The following PTPN23 variants were observed in gnomAD, a reference collection of about 807,000 sequenced individuals.
PTPN23 encodes protein tyrosine phosphatase non-receptor type 23.
Under a neutral mutation model 156.3 loss-of-function variants are expected in PTPN23, and 72 were observed. That is an observed-to-expected ratio of 0.46 (90% confidence interval 0.38 to 0.56). The LOEUF (loss-of-function observed/expected upper bound fraction) is 0.56. PTPN23 is among the 20% of genes least tolerant of loss of function. The pLI is 0.00. For missense variants in PTPN23, 1,974 were observed against 2,171.5 expected (o/e 0.91, Z 1.81); for synonymous variants, 957 against 899.6 (o/e 1.06, Z -1.14).
intron 1 of PTPN23, among the ~76,000 whole-genome samples, chr3:47,392,008 C>T (rs1023123868): frequency 9.2e-5 from 14 of 152,190 alleles, no homozygotes; most frequent in African/African-American, 3.4e-4. Flanking sequence ...ACCTCAACCT[C>T]CCAACTGGCC....
chr3:47,406,010 C>T lies in PTPN23; in HGVS notation c.510C>T (p.Ser170=). 2 of 1,613,578 alleles carry T rather than the reference C, an allele frequency of 1.2e-6. No individual in the cohort carries two copies. Among genetic ancestry groups the T allele is most frequent in the South Asian group, 1.1e-5 (1 of 91,008 alleles). ...HFPQAYSVDM[S]RQILTLNVNL... is the part of the protein sequence containing the mutation. Reference sequence around the variant, plus strand: ...CTCAAGCCTACAGCGTCGACATGAGCCGCCAGATCCTTACGCTCAACGTCA... The same window carrying T: ...CTCAAGCCTACAGCGTCGACATGAGTCGCCAGATCCTTACGCTCAACGTCA... Residue 170 remains serine, a synonymous_variant, in exon 6 of 25, where the codon AGC becomes AGT. Coordinates refer to ENST00000265562, the MANE Select transcript of PTPN23 (RefSeq NM_015466.4). The surrounding 1 kb of genome is among the most constrained non-coding windows in gnomAD (Gnocchi z 5.8).
intron 1 of PTPN23, 64 bp from the exon 2 acceptor site, chr3:47,396,079 C>G: frequency 7.3e-7 from 1 of 1,369,626 alleles, no homozygotes; most frequent in Non-Finnish European, 1.0e-6. Flanking sequence ...GGTGCTTGCC[C>G]AGGACTCAGA....
In PTPN23 at chr3:47,409,944, C is replaced by G. The variant is rs753290716; in HGVS notation, c.2146C>G (p.Pro716Ala). Reference protein sequence around the residue: ...QLLDRELKKKPPPRPTAPKPL... With the variant: ...QLLDRELKKKAPPRPTAPKPL... Reference sequence around the variant, plus strand: ...GTCGCACAGGGAGCTGAAGAAGAAGCCGCCGCCACGGCCCACAGCCCCAAA... The same window carrying G: ...GTCGCACAGGGAGCTGAAGAAGAAGGCGCCGCCACGGCCCACAGCCCCAAA... Residue 716 changes from proline (P) to alanine (A), a missense_variant, in exon 20 of 25, where the codon CCG becomes GCG. Around this residue, in one of 4 missense-constraint regions of PTPN23, gnomAD observed 731 missense variants for 669.1 expected, o/e 1.09. Transcript: ENST00000265562. The G allele has an allele frequency of 5.7e-6, 9 of 1,566,794 alleles. No homozygotes were observed. The highest frequency in any genetic ancestry group is 7.8e-6 in the Non-Finnish European group (9 of 1,159,026).
rs774430640 is a variant in PTPN23 at position 47,407,551 on chromosome 3, G to C, written c.970G>C (p.Val324Leu). Residue 324 changes from valine to leucine, a missense_variant, in exon 12 of 25, where the codon GTC becomes CTC. Around this residue, in one of 4 missense-constraint regions of PTPN23, gnomAD observed 726 missense variants for 929.5 expected, o/e 0.78. Coordinates refer to ENST00000265562, the MANE Select transcript of PTPN23 (RefSeq NM_015466.4). This position sits in a 1 kb window ranked among gnomAD's most constrained non-coding sequence, Gnocchi z 4.0. ...CAACGACTTCATTTACCATGAGGCT[G>C]TCCCAGCATTGGACACTCTTCAGCC... ...KDNDFIYHEA[V>L]PALDTLQPVK... is the part of the protein sequence containing the mutation. The C allele has an allele frequency of 6.2e-7, 1 of 1,613,914 alleles. No homozygotes were observed. Among genetic ancestry groups the C allele is most frequent in the Admixed American group, 1.7e-5 (1 of 59,994 alleles).
intron 1 of PTPN23, among the ~76,000 whole-genome samples, chr3:47,385,828 T>C (rs1191995559): frequency 2.0e-5 from 3 of 152,342 alleles, no homozygotes; most frequent in South Asian, 2.1e-4. Context: ...CCACTCTGGC[T>C]GAGTTGATCT....
At position 47,412,439 on chromosome 3, in the gene PTPN23, T is replaced by G; in HGVS notation, c.4317+18T>G. On this transcript the variant is annotated intron_variant, in intron 23 of 24. Coordinates refer to ENST00000265562, the MANE Select transcript of PTPN23 (RefSeq NM_015466.4). ...AGGAGAAGGTGAGGATCTGGGCAGA[T>G]GGGGCTGGGATGGGCCTTCTGTCCC... is the stretch of plus-strand genomic sequence containing the variant. 1.2e-6 allele frequency: 2 copies of G among 1,612,486 alleles called. No individual in the cohort carries two copies. The highest frequency in any genetic ancestry group is 1.7e-6 in the Non-Finnish European group (2 of 1,179,568).
rs1431507812 is a variant in PTPN23 at position 47,412,398 on chromosome 3, A to C, written c.4294A>C (p.Arg1432=). 1 of 1,613,116 alleles carries C rather than the reference A, an allele frequency of 6.2e-7. No individual in the cohort carries two copies. Among genetic ancestry groups the C allele is most frequent in the Non-Finnish European group, 8.5e-7 (1 of 1,179,992 alleles). The change falls in exon 23 of 25, where the codon AGA becomes CGA. Residue 1432 remains arginine (R), a synonymous_variant. Transcript: ENST00000265562. ...GCTGGTGCGGCGCATGCGGCAGCAG[A>C]GAAAGCACATGCTGCAGGAGAAGGT... ...PQLVRRMRQQ[R]KHMLQEKLHL... is the part of the protein sequence containing the mutation.
At chr3:47,383,166 T>A (rs1219610694) in intron 1 of PTPN23, among the ~76,000 whole-genome samples, 1 of 152,194 alleles carries the variant, frequency 6.6e-6, no homozygotes, top group Non-Finnish European at 1.5e-5. Flanking sequence ...CTGATAGAGG[T>A]ACCCTAGATT....
At position 47,405,897 on chromosome 3, in the gene PTPN23, C is replaced by G. The variant is rs751554841; in HGVS notation, c.415-18C>G. 28 of 1,611,968 alleles carry G rather than the reference C, an allele frequency of 1.7e-5. No homozygotes were observed. In the South Asian group the frequency reaches 2.9e-4, roughly 16 times the overall value. On this transcript the variant is annotated intron_variant, in intron 5 of 24. Coordinates refer to ENST00000265562, the MANE Select transcript of PTPN23 (RefSeq NM_015466.4). The surrounding 1 kb of genome is among the most constrained non-coding windows in gnomAD (Gnocchi z 4.7). ...GACCCATGGAGTGGACACAGGCCAT[C>G]CTCCCACTCCCTCCCAGGGCATGAA...
chr3:47,407,678 A>C lies in PTPN23; in HGVS notation c.1004-19A>C. On this transcript the variant is annotated intron_variant, in intron 12 of 24. Coordinates refer to ENST00000265562, the MANE Select transcript of PTPN23 (RefSeq NM_015466.4). This position sits in a 1 kb window ranked among gnomAD's most constrained non-coding sequence, Gnocchi z 4.0. ...AGGACTCTGCGTGGGCCTGATCTCC[A>C]CAATTCCCACCCCCCCAGGAGCCCC... 1 of 1,611,266 alleles carries C rather than the reference A, an allele frequency of 6.2e-7. No individual in the cohort carries two copies. Among genetic ancestry groups the C allele is most frequent in the Non-Finnish European group, 8.5e-7 (1 of 1,177,586 alleles).
At chr3:47,394,234 A>G (rs1704833365) in intron 1 of PTPN23, among the ~76,000 whole-genome samples, 1 of 152,074 alleles carries the variant, frequency 6.6e-6, no homozygotes, top group Non-Finnish European at 1.5e-5. Context: ...AACACATCTG[A>G]TAAGGCCCCT....
Position 47,410,989 on chromosome 3 carries a change from C to T in PTPN23, c.3191C>T (p.Ala1064Val), listed in dbSNP as rs766397795. Residue 1064 changes from alanine to valine, a missense_variant, in exon 20 of 25, where the codon GCA becomes GTA. By Grantham distance (64) the Ala-to-Val change is moderately conservative. Around this residue, in one of 4 missense-constraint regions of PTPN23, gnomAD observed 731 missense variants for 669.1 expected, o/e 1.09. Transcript: ENST00000265562. ...TCTACCAGACCCATGGGCCCCCAGGCAGCCCCTCTTACCATTCGAGGGCCC... is the reference window on the plus strand; with the variant it reads ...TCTACCAGACCCATGGGCCCCCAGGTAGCCCCTCTTACCATTCGAGGGCCC... Reference protein sequence around the residue: ...APSTRPMGPQAAPLTIRGPSS... With the variant: ...APSTRPMGPQVAPLTIRGPSS... 2 of 1,606,464 alleles carry T rather than the reference C, an allele frequency of 1.2e-6. No homozygotes were observed. The highest frequency in any genetic ancestry group is 8.5e-7 in the Non-Finnish European group (1 of 1,176,440).
chr3:47,385,148 G>A (rs1704627558), intron 1 of PTPN23, among the ~76,000 whole-genome samples: 1 of 152,160 alleles, frequency 6.6e-6, no homozygotes, highest in South Asian at 2.1e-4. Context: ...CTGATTCACT[G>A]GAAACTGATG....
rs776186524 is a variant in PTPN23 at position 47,410,052 on chromosome 3, A to G, written c.2254A>G (p.Met752Val). ...GGAGCTGCGCAGCCTCCCCCCTGACATGGTGGCTGGCCCACGACTGCCTGA... is the reference window on the plus strand; with the variant it reads ...GGAGCTGCGCAGCCTCCCCCCTGACGTGGTGGCTGGCCCACGACTGCCTGA... ...PEELRSLPPD[M>V]VAGPRLPDTF... Residue 752 changes from methionine to valine, a missense_variant, in exon 20 of 25, where the codon ATG (methionine) becomes GTG (valine). This residue lies in a region of PTPN23 where 731 missense variants were observed against 669.1 expected (regional missense o/e 1.09). Coordinates refer to ENST00000265562, the MANE Select transcript of PTPN23 (RefSeq NM_015466.4). 3.1e-6 allele frequency: 5 copies of G among 1,611,558 alleles called. No individual in the cohort carries two copies. Among genetic ancestry groups the G allele is most frequent in the Non-Finnish European group, 4.2e-6 (5 of 1,179,130 alleles).
At position 47,410,915 on chromosome 3, in the gene PTPN23, T is replaced by C; in HGVS notation, c.3117T>C (p.Pro1039=). 6.2e-7 allele frequency: 1 copy of C among 1,601,040 alleles called. No individual in the cohort carries two copies. The stretch of plus-strand genomic sequence containing the variant: ...CAGGGGCTCTGCCTTTCCCCAGCCC[T>C]GGGCCCCCTCAGCCTCCCCATCCCC... ...AHSGALPFPS[P]GPPQPPHPPL... Residue 1039 remains proline (P), a synonymous_variant, in exon 20 of 25, where the codon CCT becomes CCC. Transcript: ENST00000265562.
chr3:47,389,927 G>A (rs56032309), intron 1 of PTPN23, among the ~76,000 whole-genome samples: 56,572 of 150,400 alleles, frequency 0.38, 11,013 homozygotes, highest in East Asian at 0.53. Context: ...ACAAAAATTA[G>A]CTGGGTATGG....
rs746236517 is a variant in PTPN23, at chr3:47,412,588, T to G, written c.4392T>G (p.Pro1464=). 1 of 1,613,632 alleles carries G rather than the reference T, an allele frequency of 6.2e-7. No homozygotes were observed. The highest frequency in any genetic ancestry group is 8.5e-7 in the Non-Finnish European group (1 of 1,179,952). ...EQVLQRHGVP[P]PCKPLASASI... ...TCCTGCAGCGCCATGGTGTGCCTCC[T>G]CCATGCAAACCCTTGGCCAGTGCAA... The change falls in exon 24 of 25, where the codon CCT becomes CCG. Residue 1464 remains proline (P), a synonymous_variant. Transcript: ENST00000265562.
chr3:47,405,365 C>T lies in PTPN23; in HGVS notation c.364+284C>T. Reference sequence around the variant, plus strand: ...GGGCCTTTCTTCTTTGACTGGACAGCCCCTCCCCACTGTGGTTTTGGGCTG... The same window carrying T: ...GGGCCTTTCTTCTTTGACTGGACAGTCCCTCCCCACTGTGGTTTTGGGCTG... On this transcript the variant is annotated intron_variant, in intron 4 of 24. Transcript: ENST00000265562. The surrounding 1 kb of genome is among the most constrained non-coding windows in gnomAD (Gnocchi z 4.7). 1.8e-6 allele frequency: 1 copy of T among 542,446 alleles called. No individual in the cohort carries two copies. The highest frequency in any genetic ancestry group is 3.3e-6 in the Non-Finnish European group (1 of 301,554). The allele number at this position is 542,446 out of a possible 1,614,324, so 33.6% of individuals were successfully genotyped here.
Position 47,412,213 on chromosome 3 carries a change from T to C in PTPN23, c.4178+15T>C. ...GTGCACTGCAGGTAGAGGGTGGGCC[T>C]GAGGGTCTCTCCTCTATGGGCTCTT... On this transcript the variant is annotated intron_variant, in intron 22 of 24. Coordinates refer to ENST00000265562, the MANE Select transcript of PTPN23 (RefSeq NM_015466.4). The C allele has an allele frequency of 6.2e-7, 1 of 1,613,266 alleles. No individual in the cohort carries two copies. Among genetic ancestry groups the C allele is most frequent in the Non-Finnish European group, 8.5e-7 (1 of 1,180,006 alleles).
Sources: allele counts gnomAD v4.1 joint callset (sites outside exome capture counted in the v4.1 genomes callset), GRCh38; gene constraint gnomAD v4.1.1; regional missense constraint gnomAD v4.1.1; non-coding constraint Gnocchi (gnomAD v3.1); transcripts MANE v1.5; gene names NCBI Gene and HGNC (gene_info 2026-07-23, HGNC 2026-07-21).